NPFFR2: variants seen among roughly 807,000 people sequenced by gnomAD.
NPFFR2 encodes the protein G-protein coupled receptor 74.
In NPFFR2, 15 loss-of-function variants were observed where a neutral mutation model predicts 13.1. The ratio of observed to expected loss-of-function variants is 1.15; its 90% confidence interval spans 0.77 to 1.76. NPFFR2 has a LOEUF of 1.76. NPFFR2 is among the 40% of genes most tolerant of loss of function. The pLI, the probability that NPFFR2 is intolerant of heterozygous loss-of-function variation, is 0.00. For missense variants in NPFFR2, 572 were observed against 503.5 expected (o/e 1.14, Z -1.30); for synonymous variants, 190 against 175.7 (o/e 1.08, Z -0.65).
At chr4:72,132,807 A>G (rs555755988) in intron 2 of NPFFR2, among the ~76,000 whole-genome samples, 59 of 152,164 alleles carry the variant, frequency 3.9e-4, no homozygotes, top group African/African-American at 1.4e-3. Context: ...CTTTTGAAAA[A>G]TATCTGTTCA....
intron 1 of NPFFR2, among the ~76,000 whole-genome samples, chr4:72,049,544 G>A (rs1021915905): frequency 6.6e-6 from 1 of 152,082 alleles, no homozygotes; most frequent in African/African-American, 2.4e-5. Context: ...TGTTTAGACA[G>A]CTGGAAAAAG....
intron 1 of NPFFR2, among the ~76,000 whole-genome samples, chr4:72,089,902 A>G (rs1720870372): frequency 1.3e-5 from 2 of 152,212 alleles, no homozygotes; most frequent in African/African-American, 4.8e-5. Flanking sequence ...GAATAAGCCA[A>G]GGTCTAGAAG....
intron 3 of NPFFR2, 145 bp from the exon 4 acceptor site, chr4:72,146,833 A>G (rs1224035928): frequency 8.0e-6 from 5 of 628,020 alleles, no homozygotes; most frequent in Non-Finnish European, 1.4e-5. Context: ...ATGACAATGC[A>G]TGCCTTTCTA....
intron 1 of NPFFR2, among the ~76,000 whole-genome samples, chr4:72,040,296 A>C (rs1036657468): frequency 2.6e-5 from 4 of 152,134 alleles, no homozygotes; most frequent in African/African-American, 9.6e-5. Context: ...AAATTTTAGC[A>C]TGGGTTTTTA....
At chr4:72,123,546 C>T (rs919754675) in intron 1 of NPFFR2, among the ~76,000 whole-genome samples, 3 of 152,158 alleles carry the variant, frequency 2.0e-5, no homozygotes, top group Non-Finnish European at 2.9e-5. Context: ...TGAGGCAGCA[C>T]ATCAAAAAGT....
At chr4:72,063,889 T>G (rs1240658210) in intron 1 of NPFFR2, among the ~76,000 whole-genome samples, 1 of 152,176 alleles carries the variant, frequency 6.6e-6, no homozygotes, top group Non-Finnish European at 1.5e-5. Context: ...ATGCAAGACA[T>G]GAGAAACAAA....
At chr4:72,073,180 T>G (rs1560402392) in intron 1 of NPFFR2, among the ~76,000 whole-genome samples, 1 of 151,996 alleles carries the variant, frequency 6.6e-6, no homozygotes, top group Non-Finnish European at 1.5e-5. Context: ...ATTGTATATT[T>G]TGAAATAACT....
intron 1 of NPFFR2, among the ~76,000 whole-genome samples, chr4:72,059,677 A>G (rs1241016709): frequency 2.0e-5 from 3 of 152,070 alleles, no homozygotes; most frequent in Admixed American, 6.6e-5. Context: ...TATTAACTCT[A>G]TGGTGCTGTG....
chr4:72,138,263 T>C, intron 3 of NPFFR2, 124 bp downstream of exon 3: 1 of 646,908 alleles, frequency 1.5e-6, no homozygotes, highest in Non-Finnish European at 2.7e-6. Context: ...TATCTACCTC[T>C]TTTTTTAAAT....
chr4:72,047,774 C>G (rs143202802), intron 1 of NPFFR2, among the ~76,000 whole-genome samples: 252 of 152,212 alleles, frequency 1.7e-3, no homozygotes, highest in African/African-American at 5.7e-3. Flanking sequence ...TTGGGTCTTA[C>G]AGAGTATTTC....
intron 1 of NPFFR2, among the ~76,000 whole-genome samples, chr4:72,076,368 GTTATA>G (rs1560403612): frequency 6.6e-6 from 1 of 151,942 alleles, no homozygotes; most frequent in African/African-American, 2.4e-5. Context: ...TATATAAATT[GTTATA>G]TTCTAACAAA....
In NPFFR2 at chr4:72,106,633, C is replaced by T. The variant is rs1721427846; in HGVS notation, c.-7-21952C>T. Among the ~76,000 whole-genome samples the T allele has an allele frequency of 2.0e-5, 3 of 151,974 alleles. No homozygotes were observed. In the South Asian group the frequency reaches 6.2e-4, roughly 31 times the overall value. On this transcript the variant is annotated intron_variant, in intron 1 of 3. Coordinates refer to ENST00000308744, the MANE Select transcript of NPFFR2 (RefSeq NM_004885.3). ...TAGGACTTTCCCTGCCTCTTTCTGC[C>T]ACTCTAAACTTGCTCACCCACAATC...
In NPFFR2 at chr4:72,070,561, G is replaced by GTGTGTGTGTGTGTGTGTGTGT. The variant is rs368654718; in HGVS notation, c.-8+38361_-8+38362insTGTGTGTGTGTGTGTGTGTGT. Among the ~76,000 whole-genome samples, 25 of 131,642 alleles carry GTGTGTGTGTGTGTGTGTGTGT rather than the reference G, an allele frequency of 1.9e-4. 1 individual carries two copies. Among genetic ancestry groups the GTGTGTGTGTGTGTGTGTGTGT allele is most frequent in the East Asian group, 7.3e-4 (2 of 2,726 alleles). The allele number at this position is 131,642 out of a possible 152,430, so 86.4% of individuals were successfully genotyped here. A position where few individuals can be genotyped will look rare whatever the true frequency, so the allele number is the denominator to read the frequency against. On this transcript the variant is annotated intron_variant, in intron 1 of 3. Transcript: ENST00000308744. ...AAGTATCGTGTGTGTGTGTGTGTGT[G>GTGTGTGTGTGTGTGTGTGTGT]GGGGGGGGGGGTGGGGCTCTGGTGG...
In NPFFR2 at chr4:72,035,238, G is replaced by T. The variant is rs188489555; in HGVS notation, c.-8+3038G>T. 7.2e-5 allele frequency among the ~76,000 whole-genome samples: 11 copies of T among 152,296 alleles called. No individual in the cohort carries two copies. The East Asian group carries it at 2.1e-3, about 29-fold the overall frequency. On this transcript the variant is annotated intron_variant, in intron 1 of 3. Transcript: ENST00000308744. ...GCCTAATAGAAGAAATTAATAGAAT[G>T]ATCTATTATGCTGGATACAGTGTCT...
intron 1 of NPFFR2, among the ~76,000 whole-genome samples, chr4:72,074,076 A>G (rs922257778): frequency 9.2e-5 from 14 of 152,050 alleles, no homozygotes; most frequent in African/African-American, 3.4e-4. Context: ...GTTCAAAAAT[A>G]TTAATCAATA....
intron 1 of NPFFR2, among the ~76,000 whole-genome samples, chr4:72,087,906 C>A (rs960870502): frequency 2.0e-5 from 3 of 152,016 alleles, no homozygotes; most frequent in Admixed American, 6.6e-5. Flanking sequence ...TGTTTCATTT[C>A]TGGTTCTGCT....
At chr4:72,052,872 A>G (rs1262149074) in intron 1 of NPFFR2, among the ~76,000 whole-genome samples, 1 of 151,984 alleles carries the variant, frequency 6.6e-6, no homozygotes, top group Non-Finnish European at 1.5e-5. Context: ...ACTCCTTTCT[A>G]TTAATTTCAG....
intron 1 of NPFFR2, among the ~76,000 whole-genome samples, chr4:72,035,398 G>T (rs4555596): frequency 1.3e-5 from 2 of 152,228 alleles, no homozygotes; most frequent in African/African-American, 4.8e-5. Context: ...TAGGCATTTC[G>T]CAGTATAGTT....
At chr4:72,044,309 C>G (rs1361324552) in intron 1 of NPFFR2, among the ~76,000 whole-genome samples, 1 of 152,144 alleles carries the variant, frequency 6.6e-6, no homozygotes, top group African/African-American at 2.4e-5. Flanking sequence ...CCTGGGTTGT[C>G]TTCCAGGATT....
Sources: allele counts gnomAD v4.1 joint callset (sites outside exome capture counted in the v4.1 genomes callset), GRCh38; gene constraint gnomAD v4.1.1; transcripts MANE v1.5; gene names NCBI Gene and HGNC (gene_info 2026-07-23, HGNC 2026-07-21).